Variants in ZNF385B observed in about 807,000 individuals in gnomAD.
The protein encoded by ZNF385B is zinc finger protein 533.
In ZNF385B, 23 loss-of-function variants were observed where a neutral mutation model predicts 39.2. That is an observed-to-expected ratio of 0.59 (90% CI 0.42 to 0.83). The LOEUF is 0.83. Among genes scored for constraint, ZNF385B ranks in the 40% least tolerant of loss-of-function variants. ZNF385B has a pLI of 0.00. For missense variants in ZNF385B, 552 were observed against 598.9 expected (o/e 0.92, Z 0.82); for synonymous variants, 205 against 222.6 (o/e 0.92, Z 0.70).
At chr2:179,711,236 T>C (rs1353001353) in intron 3 of ZNF385B, among the ~76,000 whole-genome samples, 8 of 152,218 alleles carry the variant, frequency 5.3e-5, no homozygotes, top group Non-Finnish European at 1.0e-4. Flanking sequence ...GGTATACATA[T>C]TCCTGCTATA....
At chr2:179,754,224 C>T (rs938356862) in intron 3 of ZNF385B, among the ~76,000 whole-genome samples, 1 of 152,202 alleles carries the variant, frequency 6.6e-6, no homozygotes, top group Non-Finnish European at 1.5e-5. Flanking sequence ...TGTTTATATG[C>T]TGTATTACAT....
At chr2:179,574,563 C>G (rs1685590715) in intron 3 of ZNF385B, among the ~76,000 whole-genome samples, 1 of 152,096 alleles carries the variant, frequency 6.6e-6, no homozygotes, top group Admixed American at 6.5e-5. Flanking sequence ...TATTGAAGCA[C>G]TGGCATTACA....
At chr2:179,798,625 T>C (rs1457630403) in intron 1 of ZNF385B, among the ~76,000 whole-genome samples, 1 of 152,052 alleles carries the variant, frequency 6.6e-6, no homozygotes, top group African/African-American at 2.4e-5. Context: ...GATCACAATA[T>C]GATTACTAAC....
chr2:179,450,937 C>T (rs1190595784), intron 6 of ZNF385B, among the ~76,000 whole-genome samples: 1 of 151,928 alleles, frequency 6.6e-6, no homozygotes, highest in Non-Finnish European at 1.5e-5. Flanking sequence ...GTGATGAGTT[C>T]ATGTCCTTTG....
At chr2:179,682,823 G>A (rs140036783) in intron 3 of ZNF385B, among the ~76,000 whole-genome samples, 21 of 152,082 alleles carry the variant, frequency 1.4e-4, no homozygotes, top group Non-Finnish European at 2.4e-4. Context: ...TCCATACTTC[G>A]GGTCTCTGAA....
At chr2:179,597,451 T>A (rs1278699218) in intron 3 of ZNF385B, among the ~76,000 whole-genome samples, 1 of 152,218 alleles carries the variant, frequency 6.6e-6, no homozygotes, top group South Asian at 2.1e-4. Context: ...ACACCTAAGT[T>A]TGGATACAGG....
At chr2:179,466,442 A>G (rs1158361528) in intron 6 of ZNF385B, among the ~76,000 whole-genome samples, 2 of 152,132 alleles carry the variant, frequency 1.3e-5, no homozygotes, top group African/African-American at 4.8e-5. Context: ...AGCTAAACTC[A>G]TGTTCTGTTC....
At chr2:179,445,164 C>A (rs2049345528) in intron 8 of ZNF385B, among the ~76,000 whole-genome samples, 187 bp from the exon 9 acceptor site, 2 of 152,254 alleles carry the variant, frequency 1.3e-5, no homozygotes. Flanking sequence ...CTCTGTCCCC[C>A]TCCTGTTCTC....
Position 179,552,675 on chromosome 2 carries a change from T to C in ZNF385B, c.299-7706A>G, listed in dbSNP as rs375846420. 3.0e-4 allele frequency among the ~76,000 whole-genome samples: 45 copies of C among 149,166 alleles called. 1 individual carries two copies. In the East Asian group the frequency reaches 7.3e-3, roughly 24 times the overall value. On this transcript the variant is annotated intron_variant, in intron 3 of 9. Coordinates refer to ENST00000410066, the MANE Select transcript of ZNF385B (RefSeq NM_152520.6). ...CCACTTCTCTCAGCATTTCTTTTCTTTCATAAATCTGCTAGGTGAAGAAAA... is the reference window on the plus strand; with the variant it reads ...CCACTTCTCTCAGCATTTCTTTTCTCTCATAAATCTGCTAGGTGAAGAAAA...
intron 3 of ZNF385B, among the ~76,000 whole-genome samples, chr2:179,743,837 T>C (rs764484497): frequency 2.0e-5 from 3 of 152,152 alleles, no homozygotes; most frequent in South Asian, 2.1e-4. Flanking sequence ...AATGAGATGA[T>C]TGCATGAAAG....
At chr2:179,671,836 C>A (rs965428625) in intron 3 of ZNF385B, among the ~76,000 whole-genome samples, 13 of 152,232 alleles carry the variant, frequency 8.5e-5, no homozygotes, top group Admixed American at 7.9e-4. Flanking sequence ...GATTTGGATG[C>A]CCTGGAGGAC....
chr2:179,603,885 T>C (rs1292259725), intron 3 of ZNF385B, among the ~76,000 whole-genome samples: 1 of 152,182 alleles, frequency 6.6e-6, no homozygotes, highest in East Asian at 1.9e-4. Flanking sequence ...AATGCCTCTT[T>C]GTAGTAGATT....
intron 3 of ZNF385B, among the ~76,000 whole-genome samples, chr2:179,618,598 A>C (rs1392682318): frequency 5.3e-5 from 8 of 151,908 alleles, no homozygotes; most frequent in Non-Finnish European, 1.0e-4. Context: ...TAACCATAGC[A>C]CTCCTATCTA....
intron 3 of ZNF385B, among the ~76,000 whole-genome samples, chr2:179,624,905 G>A (rs1213273907): frequency 4.6e-5 from 7 of 152,100 alleles, no homozygotes; most frequent in Admixed American, 2.0e-4. Flanking sequence ...ATCCAGTTCC[G>A]TTAAATTCTG....
At chr2:179,605,776 C>T (rs1688752320) in intron 3 of ZNF385B, among the ~76,000 whole-genome samples, 2 of 152,108 alleles carry the variant, frequency 1.3e-5, no homozygotes, top group Admixed American at 1.3e-4. Context: ...TATGGTATCT[C>T]AAGTGAATTA....
intron 3 of ZNF385B, among the ~76,000 whole-genome samples, chr2:179,625,941 C>A (rs890379135): frequency 1.3e-5 from 2 of 151,940 alleles, no homozygotes; most frequent in African/African-American, 4.8e-5. Context: ...TAGGCAGTAC[C>A]CTGCCCACTT....
At chr2:179,608,059 G>A (rs561386973) in intron 3 of ZNF385B, among the ~76,000 whole-genome samples, 29 of 151,612 alleles carry the variant, frequency 1.9e-4, no homozygotes, top group Admixed American at 1.4e-3. Flanking sequence ...GATTACAGGC[G>A]TGCACCACCA....
chr2:179,608,789 A>C (rs2106124946), intron 3 of ZNF385B, among the ~76,000 whole-genome samples: 1 of 151,824 alleles, frequency 6.6e-6, no homozygotes, highest in South Asian at 2.1e-4. Context: ...CTCAAAGATG[A>C]GAATAAGACA....
chr2:179,783,530 A>G (rs1282049754), intron 1 of ZNF385B, among the ~76,000 whole-genome samples: 6 of 152,150 alleles, frequency 3.9e-5, no homozygotes, highest in Non-Finnish European at 8.8e-5. Context: ...GAAACTATCA[A>G]CAGAGTAAAC....
Sources: allele counts gnomAD v4.1 joint callset (sites outside exome capture counted in the v4.1 genomes callset), GRCh38; gene constraint gnomAD v4.1.1; transcripts MANE v1.5; gene names NCBI Gene and HGNC (gene_info 2026-07-23, HGNC 2026-07-21).